PRAM1: variants seen among roughly 807,000 people sequenced by gnomAD.
PRAM1 encodes PML-RARA regulated adaptor molecule 1, also known as PML-RARA-regulated adapter molecule 1.
In PRAM1, 41 loss-of-function variants were observed where a neutral mutation model predicts 55.3. That is an observed-to-expected ratio of 0.74 (90% CI 0.58 to 0.96). The LOEUF is 0.96. Ranked by LOEUF, PRAM1 falls within the 40% of genes least tolerant of loss-of-function variation. The pLI, the probability that PRAM1 is intolerant of heterozygous loss-of-function variation, is 0.00. For missense variants in PRAM1, 898 were observed against 892.7 expected (o/e 1.01, Z -0.08); for synonymous variants, 401 against 387.1 (o/e 1.04, Z -0.42).
rs1315103905 is a variant in PRAM1 at position 8,493,909 on chromosome 19, C to A, written c.1577-2752G>T. Among the ~76,000 whole-genome samples the A allele has an allele frequency of 6.6e-6, 1 of 152,104 alleles. No individual in the cohort carries two copies. Among genetic ancestry groups the A allele is most frequent in the African/African-American group, 2.4e-5 (1 of 41,422 alleles). On this transcript the variant is annotated intron_variant, in intron 4 of 9. Coordinates refer to ENST00000423345, the MANE Select transcript of PRAM1 (RefSeq NM_032152.5). The surrounding 1 kb of genome is among the most constrained non-coding windows in gnomAD (Gnocchi z 4.1). Reference sequence around the variant, plus strand: ...ATCTCCTGGATTCAAGCGATCCTCCCACCTCAGCCTCCCCAGAAGCTGGGA... The same window carrying A: ...ATCTCCTGGATTCAAGCGATCCTCCAACCTCAGCCTCCCCAGAAGCTGGGA...
rs1392416231 is a variant in PRAM1, at chr19:8,502,584, T to C, written c.8A>G (p.His3Arg). The change falls in exon 1 of 10, where the codon CAT (histidine) becomes CGT (arginine). Residue 3 changes from histidine (H) to arginine (R), a missense_variant. Coordinates refer to ENST00000423345, the MANE Select transcript of PRAM1 (RefSeq NM_032152.5). ...ACTCACCATGGCTGCAGGCAGGTGA[T>C]GGGCCATGGGATGAGTGGGACCCGA... MAHHLPAAMESHQ... is the reference protein window; with the variant it reads MARHLPAAMESHQ... 1.3e-6 allele frequency: 2 copies of C among 1,550,296 alleles called. No individual in the cohort carries two copies. Among genetic ancestry groups the C allele is most frequent in the Non-Finnish European group, 1.7e-6 (2 of 1,148,278 alleles).
chr19:8,498,625 C>T lies in PRAM1; in HGVS notation c.1183G>A (p.Ala395Thr). 1.2e-6 allele frequency: 2 copies of T among 1,612,556 alleles called. No homozygotes were observed. Among genetic ancestry groups the T allele is most frequent in the Non-Finnish European group, 1.7e-6 (2 of 1,179,622 alleles). ...PSSASESSLP[A>T]AVAGFSSRHP... ...CGGGAGCTGAAGCCGGCCACGGCCG[C>T]AGGCAGTGAGCTCTCGGAAGCGGAG... The change falls in exon 2 of 10, where the codon GCG becomes ACG. Residue 395 changes from alanine (A) to threonine (T), a missense_variant. Around this residue, in one of 4 missense-constraint regions of PRAM1, gnomAD observed 787 missense variants for 735.4 expected, o/e 1.07. Coordinates refer to ENST00000423345, the MANE Select transcript of PRAM1 (RefSeq NM_032152.5).
At position 8,493,151 on chromosome 19, in the gene PRAM1, C is replaced by T. The variant is rs906386033; in HGVS notation, c.1577-1994G>A. 3.3e-5 allele frequency among the ~76,000 whole-genome samples: 5 copies of T among 152,214 alleles called. No homozygotes were observed. Among genetic ancestry groups the T allele is most frequent in the African/African-American group, 1.2e-4 (5 of 41,450 alleles). ...ATGACCAGGCTCCCAAGTCAGAGCC[C>T]TGCTGGCCAAGGAATTGGCTTCAGG... On this transcript the variant is annotated intron_variant, in intron 4 of 9. Transcript: ENST00000423345. This position sits in a 1 kb window ranked among gnomAD's most constrained non-coding sequence, Gnocchi z 4.1.
chr19:8,499,323 G>T lies in PRAM1; in HGVS notation c.485C>A (p.Ala162Glu). 6.2e-7 allele frequency: 1 copy of T among 1,610,286 alleles called. No homozygotes were observed. Among genetic ancestry groups the T allele is most frequent in the Non-Finnish European group, 8.5e-7 (1 of 1,178,700 alleles). ...PLKASLPEPG[A>E]PARKPLQPDE... Reference sequence around the variant, plus strand: ...GGGCTGCAGGGGTTTCCGGGCCGGCGCACCAGGCTCCGGCAGCGAGGCCTT... The same window carrying T: ...GGGCTGCAGGGGTTTCCGGGCCGGCTCACCAGGCTCCGGCAGCGAGGCCTT... Residue 162 changes from alanine (A) to glutamate (E), a missense_variant, in exon 2 of 10, where the codon GCG becomes GAG. By Grantham distance (107) the Ala-to-Glu change is moderately radical (BLOSUM62 -1). Transcript: ENST00000423345.
rs1412096763 is a variant in PRAM1 at position 8,490,360 on chromosome 19, C to G, written c.1953G>C (p.Val651=). The stretch of plus-strand genomic sequence containing the variant: ...TACCGCAGAAGTCGACATCATCGTA[C>G]ACCTCCGTCTCCCTGGCAGAGCACA... The part of the protein sequence containing the change: ...RTALLPLETE[V]YDDVDFCDPL... The change falls in exon 9 of 10, where the codon GTG becomes GTC. Residue 651 remains valine (V), a synonymous_variant. Coordinates refer to ENST00000423345, the MANE Select transcript of PRAM1 (RefSeq NM_032152.5). The surrounding 1 kb of genome is among the most constrained non-coding windows in gnomAD (Gnocchi z 7.3). The G allele has an allele frequency of 6.2e-7, 1 of 1,613,906 alleles. No individual in the cohort carries two copies. Among genetic ancestry groups the G allele is most frequent in the Non-Finnish European group, 8.5e-7 (1 of 1,179,916 alleles).
At position 8,498,400 on chromosome 19, in the gene PRAM1, G is replaced by T. The variant is rs73499687; in HGVS notation, c.1408C>A (p.Arg470=). The stretch of plus-strand genomic sequence containing the variant: ...CCTATGGATGCTGCAGAGGGTCTCC[G>T]AAAGCTCTGCATATCCACGGGCCCC... ...PPGPVDMQSF[R]RPSAASIDLR... Residue 470 remains arginine (R), a synonymous_variant, in exon 2 of 10, where the codon CGG becomes AGG. Transcript: ENST00000423345. The T allele has an allele frequency of 6.5e-3, 10,311 of 1,578,000 alleles. 521 individuals are homozygous for T. In the African/African-American group the frequency reaches 0.12, roughly 18 times the overall value.
chr19:8,495,967 C>T, intron 4 of PRAM1: 1 of 438,084 alleles, frequency 2.3e-6, no homozygotes, highest in South Asian at 1.6e-5. Context: ...GAGGTGCGGG[C>T]CTGCTCCCTA....
intron 1 of PRAM1, among the ~76,000 whole-genome samples, chr19:8,502,068 G>C (rs1971813562): frequency 6.6e-6 from 1 of 152,162 alleles, no homozygotes; most frequent in African/African-American, 2.4e-5. Context: ...TTGCTCCTTG[G>C]AAAGGCAGCA....
In PRAM1 at chr19:8,498,699, G is replaced by A. The variant is rs868174549; in HGVS notation, c.1109C>T (p.Pro370Leu). Residue 370 changes from proline to leucine, a missense_variant, in exon 2 of 10, where the codon CCG becomes CTG. Coordinates refer to ENST00000423345, the MANE Select transcript of PRAM1 (RefSeq NM_032152.5). The part of the protein sequence containing the change: ...PEPSAVLKRH[P>L]QPEFFGDLPR... ...GAGATCACCGAAGAACTCAGGCTGCGGGTGTCTCTTGAGGACAGCGCTGGG... is the reference window on the plus strand; with the variant it reads ...GAGATCACCGAAGAACTCAGGCTGCAGGTGTCTCTTGAGGACAGCGCTGGG... 1.9e-6 allele frequency: 3 copies of A among 1,601,606 alleles called. No individual in the cohort carries two copies. The highest frequency in any genetic ancestry group is 2.6e-6 in the Non-Finnish European group (3 of 1,174,640).
intron 4 of PRAM1, among the ~76,000 whole-genome samples, chr19:8,494,912 C>T (rs1454243452): frequency 6.7e-6 from 1 of 149,156 alleles, no homozygotes; most frequent in Non-Finnish European, 1.5e-5. Flanking sequence ...GGATTACAGG[C>T]GTGAGCCACT....
intron 1 of PRAM1, 79 bp downstream of exon 1, chr19:8,502,486 A>AC: frequency 2.5e-5 from 3 of 122,194 alleles, no homozygotes; most frequent in Non-Finnish European, 2.9e-5. Flanking sequence ...GCCCCTCCAC[A>AC]GGTGGATCCT....
At chr19:8,497,867 CTTCTT>C in intron 3 of PRAM1, 27 bp from the exon 4 acceptor site, 1 of 676,028 alleles carries the variant, frequency 1.5e-6, no homozygotes, top group African/African-American at 2.4e-5. Flanking sequence ...GATGAGGCCT[CTTCTT>C]TTTTTTTTTT....
In PRAM1 at chr19:8,490,718, G is replaced by GATCATC. The variant is rs1568313067; in HGVS notation, c.1776_1781dup (p.Met592_Met593dup). 6.2e-7 allele frequency: 1 copy of GATCATC among 1,611,214 alleles called. No homozygotes were observed. Among genetic ancestry groups the GATCATC allele is most frequent in the East Asian group, 2.2e-5 (1 of 44,854 alleles). ...CGCGACGTGTCTTAGCGTTGGGGTC[G>GATCATC]ATCATCATCTTCGTGTGAACCACGA... On this transcript the variant is annotated inframe_insertion, in exon 7 of 10. Transcript: ENST00000423345. The surrounding 1 kb of genome is among the most constrained non-coding windows in gnomAD (Gnocchi z 7.3).
rs538261423 is a variant in PRAM1 at position 8,495,885 on chromosome 19, G to A, written c.1576+1879C>T. On this transcript the variant is annotated intron_variant, in intron 4 of 9. Coordinates refer to ENST00000423345, the MANE Select transcript of PRAM1 (RefSeq NM_032152.5). ...AGGGAGTGGAGGGTACAGATTTAGG[G>A]ACAGGCAGGCAAGGTGCTTGCCTGG... Among the ~76,000 whole-genome samples, 41 of 152,124 alleles carry A rather than the reference G, an allele frequency of 2.7e-4. No homozygotes were observed. The East Asian group carries it at 7.8e-3, about 29-fold the overall frequency.
In PRAM1 at chr19:8,498,760, G is replaced by C; in HGVS notation, c.1048C>G (p.Arg350Gly). The part of the protein sequence containing the change: ...SLPRKLLQPE[R>G]RGPPRKFSQP... ...GAGAACTTGCGGGGTGGCCCCCGGCGCTCCGGCTGCAGCAGCTTCCTGGGG... is the reference window on the plus strand; with the variant it reads ...GAGAACTTGCGGGGTGGCCCCCGGCCCTCCGGCTGCAGCAGCTTCCTGGGG... Residue 350 changes from arginine to glycine, a missense_variant, in exon 2 of 10, where the codon CGC becomes GGC. This residue lies in a region of PRAM1 where 787 missense variants were observed against 735.4 expected (regional missense o/e 1.07). Coordinates refer to ENST00000423345, the MANE Select transcript of PRAM1 (RefSeq NM_032152.5). 1 of 1,572,492 alleles carries C rather than the reference G, an allele frequency of 6.4e-7. No individual in the cohort carries two copies. The highest frequency in any genetic ancestry group is 1.2e-5 in the South Asian group (1 of 86,378).
At position 8,490,683 on chromosome 19, in the gene PRAM1, T is replaced by C. The variant is rs1303910582; in HGVS notation, c.1817A>G (p.Lys606Arg). 3 of 1,604,194 alleles carry C rather than the reference T, an allele frequency of 1.9e-6. No individual in the cohort carries two copies. Among genetic ancestry groups the C allele is most frequent in the East Asian group, 4.5e-5 (2 of 44,360 alleles). The change falls in exon 7 of 10, where the codon AAG becomes AGG. Residue 606 changes from lysine to arginine, a missense_variant. Around this residue, in one of 4 missense-constraint regions of PRAM1, gnomAD observed 787 missense variants for 735.4 expected, o/e 1.07. Coordinates refer to ENST00000423345, the MANE Select transcript of PRAM1 (RefSeq NM_032152.5). The surrounding 1 kb of genome is among the most constrained non-coding windows in gnomAD (Gnocchi z 7.3). ...PNAKTRRGGG[K>R]HLGIRRGEIL... The stretch of plus-strand genomic sequence containing the variant: ...CTCCCCGCGCCGGATCCCGAGGTGC[T>C]TGCCACCCCCGCGACGTGTCTTAGC...
At chr19:8,491,422 C>T in intron 4 of PRAM1, 1 of 548,792 alleles carries the variant, frequency 1.8e-6, no homozygotes, top group Non-Finnish European at 3.3e-6. Flanking sequence ...TTAACACAGA[C>T]AGGTTTCACC....
chr19:8,497,870 CTTTTTTT>C lies in PRAM1; in HGVS notation c.1500-37_1500-31del, dbSNP rs58671333. On this transcript the variant is annotated intron_variant, in intron 3 of 9. Transcript: ENST00000423345. Reference sequence around the variant, plus strand: ...GGGGATACCTGAGATGAGGCCTCTTCTTTTTTTTTTTTTTTTTTTTTTTTTGAGACGG... The same window carrying C: ...GGGGATACCTGAGATGAGGCCTCTTCTTTTTTTTTTTTTTTTTTGAGACGG... The C allele has an allele frequency of 6.2e-4, 223 of 358,890 alleles. 2 individuals carry two copies. Among genetic ancestry groups the C allele is most frequent in the East Asian group, 8.4e-4 (15 of 17,860 alleles). The allele number at this position is 358,890 out of a possible 1,614,324, so 22.2% of individuals were successfully genotyped here.
chr19:8,502,313 C>T (rs1568319476), intron 1 of PRAM1, among the ~76,000 whole-genome samples: 4 of 152,104 alleles, frequency 2.6e-5, no homozygotes, highest in East Asian at 1.9e-4. Flanking sequence ...GTTGTCCCCC[C>T]GGGGAGTCCC....
Sources: gnomAD v4.1 joint callset for allele counts (sites outside exome capture counted in the v4.1 genomes callset) on GRCh38, gnomAD v4.1.1 for gene constraint, gnomAD v4.1.1 regional missense constraint, Gnocchi (gnomAD v3.1) non-coding constraint, MANE v1.5 for transcripts, NCBI Gene and HGNC (gene_info 2026-07-23, HGNC 2026-07-21) for gene names.